The following PSMB7 variants were observed in gnomAD, a reference collection of about 807,000 sequenced individuals.
The protein encoded by PSMB7 is proteasome 20S subunit beta 7, also known as proteasome subunit beta type-7.
PSMB7 carries 5 observed loss-of-function variants against 28.1 expected under a neutral mutation model. The ratio of observed to expected loss-of-function variants is 0.18; its 90% CI spans 0.09 to 0.37. PSMB7 has a LOEUF of 0.37. Among genes scored for constraint, PSMB7 ranks in the 10% least tolerant of loss-of-function variants. The pLI, the probability that PSMB7 is intolerant of heterozygous loss-of-function variation, is 1.00. For missense variants in PSMB7, 275 were observed against 346.2 expected (o/e 0.79, Z 1.63); for synonymous variants, 122 against 123.7 (o/e 0.99, Z 0.09).
chr9:124,371,277 C>G (rs1830559546), intron 6 of PSMB7, among the ~76,000 whole-genome samples: 1 of 152,228 alleles, frequency 6.6e-6, no homozygotes, highest in African/African-American at 2.4e-5. Context: ...AGATTCTAAG[C>G]TACAAACCAG....
chr9:124,398,682 A>G (rs1161735005), intron 5 of PSMB7, among the ~76,000 whole-genome samples: 3 of 152,234 alleles, frequency 2.0e-5, no homozygotes, highest in South Asian at 2.1e-4. Context: ...ATCTGTATAA[A>G]TATTTTTAGT....
At chr9:124,381,092 C>T (rs1830660204) in intron 6 of PSMB7, among the ~76,000 whole-genome samples, 3 of 152,190 alleles carry the variant, frequency 2.0e-5, no homozygotes. Flanking sequence ...GCGTTTTCCA[C>T]TTACAGACCC....
chr9:124,387,595 T>C (rs1444581876), intron 5 of PSMB7, among the ~76,000 whole-genome samples: 3 of 152,188 alleles, frequency 2.0e-5, no homozygotes, highest in South Asian at 2.1e-4. Context: ...CAAAATAAAC[T>C]TGAAAAGAAA....
chr9:124,409,052 T>A (rs558250804), intron 4 of PSMB7, among the ~76,000 whole-genome samples: 1 of 152,310 alleles, frequency 6.6e-6, no homozygotes, highest in African/African-American at 2.4e-5. Flanking sequence ...TGTGTAACAA[T>A]CTCTTAGCAC....
At chr9:124,387,053 T>C (rs951601440) in intron 5 of PSMB7, among the ~76,000 whole-genome samples, 1 of 152,186 alleles carries the variant, frequency 6.6e-6, no homozygotes, top group Non-Finnish European at 1.5e-5. Context: ...GAGACCATCC[T>C]GGCTAGCACA....
At chr9:124,406,553 T>C (rs1394831214) in intron 4 of PSMB7, among the ~76,000 whole-genome samples, 1 of 126,216 alleles carries the variant, frequency 7.9e-6, no homozygotes, top group Non-Finnish European at 1.7e-5. Flanking sequence ...AACAGAAAAA[T>C]GGCTCATGTC....
intron 2 of PSMB7, 97 bp downstream of exon 2, chr9:124,414,745 G>C (rs1831068072): frequency 2.1e-6 from 2 of 965,008 alleles, no homozygotes; most frequent in Non-Finnish European, 3.3e-6. Flanking sequence ...TATAGCATTT[G>C]CCTTTCCAGA....
chr9:124,399,359 G>A (rs963319659), intron 5 of PSMB7, among the ~76,000 whole-genome samples: 3 of 152,176 alleles, frequency 2.0e-5, no homozygotes, highest in African/African-American at 4.8e-5. Flanking sequence ...GGGCCAAGGC[G>A]GGAGTCCTGG....
intron 6 of PSMB7, among the ~76,000 whole-genome samples, chr9:124,372,983 A>G (rs1830577406): frequency 6.6e-6 from 1 of 152,258 alleles, no homozygotes; most frequent in Non-Finnish European, 1.5e-5. Context: ...TCAAAAAGCA[A>G]GAAGACTGAA....
chr9:124,361,894 A>G (rs1174697693), intron 6 of PSMB7, among the ~76,000 whole-genome samples: 2 of 152,252 alleles, frequency 1.3e-5, no homozygotes, highest in Non-Finnish European at 2.9e-5. Context: ...TACAGCTACA[A>G]TCGAATTTCT....
At position 124,415,358 on chromosome 9, in the gene PSMB7, C is replaced by T. The variant is rs747351852; in HGVS notation, c.62+6G>A. On this transcript the variant is annotated splice_donor_region_variant and intron_variant, in intron 1 of 7. Coordinates refer to ENST00000259457, the MANE Select transcript of PSMB7 (RefSeq NM_002799.4). ...TCCCTGAACCAAGCCCCAAGCAAGG[C>T]GGCACCTGCGGCAGTTATCAAAAGA... The T allele has an allele frequency of 3.8e-5, 61 of 1,613,678 alleles. No individual in the cohort carries two copies. The highest frequency in any genetic ancestry group is 8.3e-5 in the Admixed American group (5 of 60,010).
At chr9:124,399,009 CAAAAA>C (rs34386702) in intron 5 of PSMB7, among the ~76,000 whole-genome samples, 4 of 129,284 alleles carry the variant, frequency 3.1e-5, no homozygotes, top group South Asian at 2.5e-4. Flanking sequence ...AAGCTTTAAC[CAAAAA>C]AAAAAAAAAA....
chr9:124,382,221 TTTTTG>T (rs1265157807), intron 6 of PSMB7, among the ~76,000 whole-genome samples: 3 of 114,028 alleles, frequency 2.6e-5, no homozygotes, highest in African/African-American at 3.1e-5. Context: ...TTTTTTTTTT[TTTTTG>T]AGACAAAGTC....
In PSMB7 at chr9:124,360,182, C is replaced by G. The variant is rs575598773; in HGVS notation, c.571-3267G>C. Among the ~76,000 whole-genome samples, 9 of 152,296 alleles carry G rather than the reference C, an allele frequency of 5.9e-5. No individual in the cohort carries two copies. The South Asian group carries it at 1.9e-3, about 32-fold the overall frequency. ...AATTTCACAATTAAACAACTTTTGT[C>G]TTTAACATGTGCTACCAAATATTTA... On this transcript the variant is annotated intron_variant, in intron 6 of 7. Coordinates refer to ENST00000259457, the MANE Select transcript of PSMB7 (RefSeq NM_002799.4).
chr9:124,392,291 C>T (rs1830794904), intron 5 of PSMB7, among the ~76,000 whole-genome samples: 1 of 152,232 alleles, frequency 6.6e-6, no homozygotes, highest in South Asian at 2.1e-4. Context: ...CAGGTGCCCA[C>T]GCAGGAGCAG....
At chr9:124,371,959 C>A (rs536711275) in intron 6 of PSMB7, among the ~76,000 whole-genome samples, 2 of 152,272 alleles carry the variant, frequency 1.3e-5, no homozygotes, top group Non-Finnish European at 2.9e-5. Context: ...GGTGTATGTC[C>A]CCCTACATTT....
chr9:124,377,792 T>C (rs1188534917), intron 6 of PSMB7, among the ~76,000 whole-genome samples: 1 of 152,222 alleles, frequency 6.6e-6, no homozygotes. Context: ...CCTATCTTCA[T>C]AGCTTCTCTC....
chr9:124,383,093 C>G (rs77484833), intron 6 of PSMB7, among the ~76,000 whole-genome samples: 2,681 of 152,268 alleles, frequency 0.018, 78 homozygotes, highest in African/African-American at 0.061. Context: ...GAACTCCTCT[C>G]CTATAGTTAG....
intron 5 of PSMB7, among the ~76,000 whole-genome samples, chr9:124,405,019 A>G (rs1449711755): frequency 6.6e-6 from 1 of 152,132 alleles, no homozygotes; most frequent in East Asian, 1.9e-4. Context: ...ATACCTGTGT[A>G]TTAATTTAGA....
Sources: allele counts gnomAD v4.1 joint callset (sites outside exome capture counted in the v4.1 genomes callset), GRCh38; gene constraint gnomAD v4.1.1; transcripts MANE v1.5; gene names NCBI Gene and HGNC (gene_info 2026-07-23, HGNC 2026-07-21).